Variants in SIK2 observed in about 807,000 individuals in gnomAD.
SIK2 encodes the protein serine/threonine-protein kinase SIK2.
Under a neutral mutation model 103.2 loss-of-function variants are expected in SIK2, and 29 were observed. The ratio of observed to expected loss-of-function variants is 0.28; its 90% confidence interval spans 0.21 to 0.38. The LOEUF is 0.38. Ranked by LOEUF, SIK2 falls within the 10% of genes least tolerant of loss-of-function variation. SIK2 has a pLI of 1.00. For synonymous variants in SIK2, 412 were observed against 446.1 expected (o/e 0.92, Z 0.96); for missense variants, 879 against 1,171.0 (o/e 0.75, Z 3.64).
At chr11:111,644,675 T>G (rs372430097) in intron 3 of SIK2, among the ~76,000 whole-genome samples, 1 of 152,200 alleles carries the variant, frequency 6.6e-6, no homozygotes, top group Non-Finnish European at 1.5e-5. Context: ...GAAACTGTTA[T>G]GAAGTTTTGC....
rs1196867178 is a variant in SIK2 at position 111,724,205 on chromosome 11, TA to T, written c.*79del. 6.6e-7 allele frequency: 1 copy of T among 1,517,302 alleles called. No individual in the cohort carries two copies. Among genetic ancestry groups the T allele is most frequent in the Non-Finnish European group, 8.8e-7 (1 of 1,138,226 alleles). 94.0% of individuals were successfully genotyped at this position (1,517,302 alleles called of 1,614,324 possible). On this transcript the variant is annotated 3_prime_UTR_variant, in exon 15 of 15. Coordinates refer to ENST00000304987, the MANE Select transcript of SIK2 (RefSeq NM_015191.3). ...TATTTTTATTCCAGCCTTTTAAATT[TA>T]AAGCTTATTTTCTTGCCCTCTCCCT... is the stretch of plus-strand genomic sequence containing the variant.
chr11:111,684,192 G>A (rs1278167497), intron 3 of SIK2, among the ~76,000 whole-genome samples: 1 of 152,160 alleles, frequency 6.6e-6, no homozygotes, highest in African/African-American at 2.4e-5. Flanking sequence ...CCTTCCTGCT[G>A]CCACGTTTCA....
chr11:111,660,839 C>CTTTTTTTTTTTTT (rs57174726), intron 3 of SIK2, among the ~76,000 whole-genome samples: 163 of 90,334 alleles, frequency 1.8e-3, no homozygotes, highest in East Asian at 9.0e-3. Flanking sequence ...GTGAAGTTGG[C>CTTTTTTTTTTTTT]TTTTTTTTTT....
At chr11:111,622,641 T>C (rs1941906110) in intron 3 of SIK2, among the ~76,000 whole-genome samples, 1 of 152,314 alleles carries the variant, frequency 6.6e-6, no homozygotes, top group Admixed American at 6.5e-5. Flanking sequence ...GTAGTCTTTA[T>C]TTTTGTCTTT....
At chr11:111,610,506 TAAC>T (rs1172020855) in intron 1 of SIK2, among the ~76,000 whole-genome samples, 2 of 149,788 alleles carry the variant, frequency 1.3e-5, no homozygotes, top group Admixed American at 6.6e-5. Flanking sequence ...AAAAAAAAGA[TAAC>T]AAACAGTTTG....
At position 111,729,270 on chromosome 11, in the gene SIK2, C is replaced by T. The variant is rs1288771554; in HGVS notation, c.*5141C>T. Reference sequence around the variant, plus strand: ...CAGCAGACTCAGGCACACACTGGGGCACAGATAGAGAACCAGGCGGCAGCA... The same window carrying T: ...CAGCAGACTCAGGCACACACTGGGGTACAGATAGAGAACCAGGCGGCAGCA... On this transcript the variant is annotated 3_prime_UTR_variant, in exon 15 of 15. Coordinates refer to ENST00000304987, the MANE Select transcript of SIK2 (RefSeq NM_015191.3). The T allele has an allele frequency of 6.6e-6, 1 of 152,320 alleles. No homozygotes were observed. The highest frequency in any genetic ancestry group is 2.4e-5 in the African/African-American group (1 of 41,446). 9.4% of individuals were successfully genotyped at this position (152,320 alleles called of 1,614,324 possible).
chr11:111,681,629 A>C (rs1200413148), intron 3 of SIK2, among the ~76,000 whole-genome samples: 1 of 152,218 alleles, frequency 6.6e-6, no homozygotes, highest in Non-Finnish European at 1.5e-5. Flanking sequence ...CCAACTCCTT[A>C]CTTTGAAAAT....
intron 2 of SIK2, among the ~76,000 whole-genome samples, chr11:111,617,846 G>T (rs532685216): frequency 1.3e-5 from 2 of 149,008 alleles, no homozygotes; most frequent in South Asian, 4.6e-4. Context: ...GTATGTGTGT[G>T]TGTGTATATA....
intron 3 of SIK2, among the ~76,000 whole-genome samples, chr11:111,653,718 A>T (rs1255696271): frequency 3.3e-5 from 5 of 152,230 alleles, no homozygotes; most frequent in Non-Finnish European, 7.3e-5. Flanking sequence ...ATGCCAAAGA[A>T]TCTTATCGGA....
At chr11:111,631,037 C>A (rs898998686) in intron 3 of SIK2, among the ~76,000 whole-genome samples, 1 of 151,976 alleles carries the variant, frequency 6.6e-6, no homozygotes, top group Non-Finnish European at 1.5e-5. Context: ...CCAGAGTAGA[C>A]AAGAGACAAT....
At chr11:111,667,268 C>A (rs568694293) in intron 3 of SIK2, among the ~76,000 whole-genome samples, 2 of 151,974 alleles carry the variant, frequency 1.3e-5, no homozygotes, top group Non-Finnish European at 2.9e-5. Context: ...TTTGAGAGAA[C>A]AGGAGCATTA....
intron 3 of SIK2, among the ~76,000 whole-genome samples, chr11:111,623,822 A>G (rs1941926044): frequency 6.6e-6 from 1 of 151,976 alleles, no homozygotes; most frequent in African/African-American, 2.4e-5. Flanking sequence ...AGACCTTTGG[A>G]CTTCTTTCTG....
At chr11:111,711,542 A>ATAGCTTGCAGTAAGCG (rs369504849) in intron 8 of SIK2, among the ~76,000 whole-genome samples, 11 of 152,370 alleles carry the variant, frequency 7.2e-5, no homozygotes, top group East Asian at 5.8e-4. Context: ...CTTCAAAAAC[A>ATAGCTTGCAGTAAGCG]TAGCTTGCAG....
intron 3 of SIK2, among the ~76,000 whole-genome samples, chr11:111,674,996 C>CA (rs1942683722): frequency 1.3e-5 from 2 of 152,226 alleles, no homozygotes; most frequent in Admixed American, 6.5e-5. Flanking sequence ...ATCATCCACC[C>CA]ACCTCAGCCT....
rs112683766 is a variant in SIK2 at position 111,717,241 on chromosome 11, G to T, written c.1267-2534G>T. 9.5e-3 allele frequency among the ~76,000 whole-genome samples: 1,425 copies of T among 149,840 alleles called. 33 individuals are homozygous for T. The highest frequency in any genetic ancestry group is 0.033 in the African/African-American group (1,342 of 40,764). On this transcript the variant is annotated intron_variant, in intron 9 of 14. Coordinates refer to ENST00000304987, the MANE Select transcript of SIK2 (RefSeq NM_015191.3). The stretch of plus-strand genomic sequence containing the variant: ...TGAGGCAGGAGAATGGCGTGAACCT[G>T]GGAGGCAGAGCTTGCAGTGAGCTGA...
chr11:111,671,608 A>T, intron 3 of SIK2: 1 of 337,242 alleles, frequency 3.0e-6, no homozygotes, highest in Non-Finnish European at 5.8e-6. Context: ...GACCTTGGTG[A>T]TGATGCTGTC....
chr11:111,630,726 G>T (rs975217424), intron 3 of SIK2, among the ~76,000 whole-genome samples: 2 of 152,166 alleles, frequency 1.3e-5, no homozygotes, highest in African/African-American at 4.8e-5. Context: ...TTGGAATGAA[G>T]TGGGGGTATT....
intron 9 of SIK2, among the ~76,000 whole-genome samples, chr11:111,717,056 C>T (rs1250920939): frequency 2.6e-5 from 4 of 152,040 alleles, no homozygotes; most frequent in African/African-American, 7.2e-5. Flanking sequence ...GGCTCACGCC[C>T]GTAATCCCAG....
intron 1 of SIK2, among the ~76,000 whole-genome samples, chr11:111,611,415 TACTA>T (rs1411964198): frequency 9.2e-5 from 14 of 152,320 alleles, no homozygotes; most frequent in Non-Finnish European, 1.9e-4. Flanking sequence ...TTTATATTCC[TACTA>T]ACTATCTGAA....
Sources: allele counts gnomAD v4.1 joint callset (sites outside exome capture counted in the v4.1 genomes callset), GRCh38; gene constraint gnomAD v4.1.1; transcripts MANE v1.5; gene names NCBI Gene and HGNC (gene_info 2026-07-23, HGNC 2026-07-21).